The following SNAI3 variants were observed in gnomAD, a reference collection of about 807,000 sequenced individuals.
The protein encoded by SNAI3 is zinc finger protein SNAI3.
Under a neutral mutation model 16.4 loss-of-function variants are expected in SNAI3, and 21 were observed. That is an observed-to-expected ratio of 1.28 (90% confidence interval 0.91 to 1.85). The LOEUF (loss-of-function observed/expected upper bound fraction) is 1.85. Among genes scored for constraint, SNAI3 ranks in the 40% most tolerant of loss-of-function variants. SNAI3 has a pLI of 0.00. For synonymous variants in SNAI3, 202 were observed against 166.6 expected, an observed-to-expected ratio of 1.21 and a Z score of -1.64; for missense variants, 457 against 372.8, an observed-to-expected ratio of 1.23 and a Z score of -1.86.
At position 88,680,989 on chromosome 16, in the gene SNAI3, C is replaced by G. The variant is rs1372338718; in HGVS notation, c.697+105G>C. The G allele has an allele frequency of 1.1e-5, 16 of 1,448,256 alleles. No homozygotes were observed. The East Asian group carries it at 3.3e-4, about 30-fold the overall frequency. 89.7% of individuals were successfully genotyped at this position (1,448,256 alleles called of 1,614,324 possible). On this transcript the variant is annotated intron_variant, in intron 2 of 2. Coordinates refer to ENST00000332281, the MANE Select transcript of SNAI3 (RefSeq NM_178310.4). ...AAAAGGCAGAAGCTGAATGTGAATG[C>G]CCATGCTATTGTTTATAAAATCACC... is the stretch of plus-strand genomic sequence containing the variant.
chr16:88,686,259 A>AG, intron 1 of SNAI3, 72 bp downstream of exon 1: 1 of 1,529,780 alleles, frequency 6.5e-7, no homozygotes, highest in Non-Finnish European at 8.9e-7. Flanking sequence ...CCCCGCTCCC[A>AG]GGGGCCTCTC....
At chr16:88,682,762 ATTTTTTTTTTTT>A (rs71158747) in intron 1 of SNAI3, among the ~76,000 whole-genome samples, 11,728 of 61,388 alleles carry the variant, frequency 0.19, 1,104 homozygotes, top group Non-Finnish European at 0.26. Context: ...TGGGCAAGGG[ATTTTTTTTTTTT>A]TTTTTTTTTT....
At position 88,681,173 on chromosome 16, in the gene SNAI3, C is replaced by T. The variant is rs762087786; in HGVS notation, c.618G>A (p.Thr206=). ...GALKMHIRTH[T]LPCTCKICGK... is the part of the protein sequence containing the mutation. Reference sequence around the variant, plus strand: ...CACAGATCTTGCAGGTGCAGGGCAGCGTGTGAGTGCGGATGTGCATCTTGA... The same window carrying T: ...CACAGATCTTGCAGGTGCAGGGCAGTGTGTGAGTGCGGATGTGCATCTTGA... The change falls in exon 2 of 3, where the codon ACG becomes ACA. Residue 206 remains threonine, a synonymous_variant. Transcript: ENST00000332281. This position sits in a 1 kb window ranked among gnomAD's most constrained non-coding sequence, Gnocchi z 5.4. The T allele has an allele frequency of 4.3e-6, 7 of 1,613,664 alleles. No homozygotes were observed. In the South Asian group the frequency reaches 4.4e-5, roughly 10 times the overall value.
chr16:88,683,180 C>A (rs573697825), intron 1 of SNAI3, among the ~76,000 whole-genome samples: 1 of 150,868 alleles, frequency 6.6e-6, no homozygotes, highest in South Asian at 2.1e-4. Context: ...GCAACCTCCA[C>A]CTCCCAGGTC....
Position 88,681,210 on chromosome 16 carries a change from C to T in SNAI3, c.581G>A (p.Ser194Asn). 6.2e-6 allele frequency: 10 copies of T among 1,613,862 alleles called. No homozygotes were observed. The highest frequency in any genetic ancestry group is 8.5e-6 in the Non-Finnish European group (10 of 1,180,030). ...GATGTGCATCTTGAGGGCACCCAGGCTGGTGTACTCCTTGTCGCAGTACTT... is the reference window on the plus strand; with the variant it reads ...GATGTGCATCTTGAGGGCACCCAGGTTGGTGTACTCCTTGTCGCAGTACTT... ...TCKYCDKEYT[S>N]LGALKMHIRT... Residue 194 changes from serine to asparagine, a missense_variant, in exon 2 of 3, where the codon AGC becomes AAC. By Grantham distance (46) the Ser-to-Asn change is conservative. Coordinates refer to ENST00000332281, the MANE Select transcript of SNAI3 (RefSeq NM_178310.4). This position sits in a 1 kb window ranked among gnomAD's most constrained non-coding sequence, Gnocchi z 5.4.
chr16:88,678,291 T>C lies in SNAI3; in HGVS notation c.*157A>G, dbSNP rs1909039920. On this transcript the variant is annotated 3_prime_UTR_variant, in exon 3 of 3. Transcript: ENST00000332281. Reference sequence around the variant, plus strand: ...TGTCCTCCGGCCCAGTGGCCCCCGCTGGACTTCTTTGGTTCTGATTGGACG... The same window carrying C: ...TGTCCTCCGGCCCAGTGGCCCCCGCCGGACTTCTTTGGTTCTGATTGGACG... The C allele has an allele frequency of 1.7e-6, 1 of 579,658 alleles. No individual in the cohort carries two copies. The allele number at this position is 579,658 out of a possible 1,614,324, so 35.9% of individuals were successfully genotyped here.
chr16:88,681,781 C>T lies in SNAI3; in HGVS notation c.77-67G>A. On this transcript the variant is annotated intron_variant, in intron 1 of 2. Transcript: ENST00000332281. The surrounding 1 kb of genome is among the most constrained non-coding windows in gnomAD (Gnocchi z 5.4). ...ATCCCCAGCACTTTGTGTTTTCCAA[C>T]TCTGATTCGTGGACCCAGTCACAGC... 1.5e-6 allele frequency: 2 copies of T among 1,343,612 alleles called. No individual in the cohort carries two copies. Among genetic ancestry groups the T allele is most frequent in the Non-Finnish European group, 9.6e-7 (1 of 1,045,334 alleles). The allele number at this position is 1,343,612 out of a possible 1,614,324, so 83.2% of individuals were successfully genotyped here. A position where few individuals can be genotyped will look rare whatever the true frequency, so the allele number is the denominator to read the frequency against.
intron 1 of SNAI3, chr16:88,685,869 T>C: frequency 6.3e-6 from 1 of 159,256 alleles, no homozygotes. Flanking sequence ...CCATCCCCTG[T>C]GCTTACACCC....
intron 2 of SNAI3, 90 bp from the exon 3 acceptor site, chr16:88,678,719 C>T (rs1235115718): frequency 1.3e-6 from 2 of 1,482,702 alleles, no homozygotes. Flanking sequence ...TACTCCCATC[C>T]CTTCCCCACA....
Position 88,678,783 on chromosome 16 carries a change from G to A in SNAI3, c.698-154C>T, listed in dbSNP as rs1194478893. The A allele has an allele frequency of 8.1e-6, 8 of 985,316 alleles. No homozygotes were observed. The East Asian group carries it at 3.4e-4, about 42-fold the overall frequency. 61.0% of individuals were successfully genotyped at this position (985,316 alleles called of 1,614,324 possible). A position where few individuals can be genotyped will look rare whatever the true frequency, so the allele number is the denominator to read the frequency against. On this transcript the variant is annotated intron_variant, in intron 2 of 2. Transcript: ENST00000332281. ...GAGCTGTGTGGGGACGGGGTGGCAC[G>A]CCACATCACCTGAAGCCCCTCCCAG...
At position 88,678,184 on chromosome 16, in the gene SNAI3, A is replaced by G. The variant is rs1172414642; in HGVS notation, c.*264T>C. On this transcript the variant is annotated 3_prime_UTR_variant, in exon 3 of 3. Coordinates refer to ENST00000332281, the MANE Select transcript of SNAI3 (RefSeq NM_178310.4). ...GACCTGGCCGTGTCGAAATGGAACC[A>G]TGGCTCTTGTTCTGATGAAAGCCTT... The G allele has an allele frequency of 2.5e-6, 1 of 403,212 alleles. No homozygotes were observed. The highest frequency in any genetic ancestry group is 4.5e-6 in the Non-Finnish European group (1 of 224,104). The allele number at this position is 403,212 out of a possible 1,614,324, so 25.0% of individuals were successfully genotyped here. A position where few individuals can be genotyped will look rare whatever the true frequency, so the allele number is the denominator to read the frequency against.
At position 88,686,311 on chromosome 16, in the gene SNAI3, G is replaced by C; in HGVS notation, c.76+20C>G. 1.2e-6 allele frequency: 2 copies of C among 1,608,020 alleles called. No homozygotes were observed. The highest frequency in any genetic ancestry group is 1.7e-6 in the Non-Finnish European group (2 of 1,177,706). ...CAGGGTCGAGTCCCGGCAGGGGCTC[G>C]GGGATCGGGTAGTCAGTACCTCTCT... On this transcript the variant is annotated intron_variant, in intron 1 of 2. Coordinates refer to ENST00000332281, the MANE Select transcript of SNAI3 (RefSeq NM_178310.4).
At chr16:88,680,413 A>G (rs1909127029) in intron 2 of SNAI3, among the ~76,000 whole-genome samples, 1 of 146,542 alleles carries the variant, frequency 6.8e-6, no homozygotes, top group Non-Finnish European at 1.5e-5. Flanking sequence ...AGTCTCCTGA[A>G]TAGCTGGGAT....
At position 88,686,374 on chromosome 16, in the gene SNAI3, G is replaced by T. The variant is rs1284864204; in HGVS notation, c.33C>A (p.Ser11=). Residue 11 remains serine (S), a synonymous_variant, in exon 1 of 3, where the codon TCC becomes TCA. Transcript: ENST00000332281. Reference sequence around the variant, plus strand: ...GCCGGTAGTTGGGGACCCTGTGGCTGGAGTGCGTTTTCACCAGGAAGGAGC... The same window carrying T: ...GCCGGTAGTTGGGGACCCTGTGGCTTGAGTGCGTTTTCACCAGGAAGGAGC... The part of the protein sequence containing the change: MPRSFLVKTH[S]SHRVPNYRRL... 2 of 1,612,250 alleles carry T rather than the reference G, an allele frequency of 1.2e-6. No individual in the cohort carries two copies. The highest frequency in any genetic ancestry group is 1.3e-5 in the African/African-American group (1 of 75,044).
At chr16:88,682,835 C>T (rs561448429) in intron 1 of SNAI3, among the ~76,000 whole-genome samples, 1 of 121,552 alleles carries the variant, frequency 8.2e-6, no homozygotes, top group Non-Finnish European at 1.6e-5. Flanking sequence ...AGTGCAGTGG[C>T]GTGATCTCGG....
In SNAI3 at chr16:88,681,665, G is replaced by T. The variant is rs1909177957; in HGVS notation, c.126C>A (p.Leu42=). ...CAGAAGGGGCCTCCTTGTCTCGGGG[G>T]AGGAGGGGCACCACCAGCCCCCCAC... ...SACGGLVVPL[L]PRDKEAPSVP... The change falls in exon 2 of 3, where the codon CTC becomes CTA. Residue 42 remains leucine (L), a synonymous_variant. Transcript: ENST00000332281. The surrounding 1 kb of genome is among the most constrained non-coding windows in gnomAD (Gnocchi z 5.4). 6 of 1,478,388 alleles carry T rather than the reference G, an allele frequency of 4.1e-6. No individual in the cohort carries two copies. The East Asian group carries it at 1.4e-4, about 35-fold the overall frequency. 91.6% of individuals were successfully genotyped at this position (1,478,388 alleles called of 1,614,324 possible). A position where few individuals can be genotyped will look rare whatever the true frequency, so the allele number is the denominator to read the frequency against.
Position 88,681,653 on chromosome 16 carries a change from C to T in SNAI3, c.138G>A (p.Lys46=). 1 of 1,463,240 alleles carries T rather than the reference C, an allele frequency of 6.8e-7. No individual in the cohort carries two copies. The highest frequency in any genetic ancestry group is 9.1e-7 in the Non-Finnish European group (1 of 1,103,478). The allele number at this position is 1,463,240 out of a possible 1,614,324, so 90.6% of individuals were successfully genotyped here. Residue 46 remains lysine, a synonymous_variant, in exon 2 of 3, where the codon AAG becomes AAA. Transcript: ENST00000332281. The surrounding 1 kb of genome is among the most constrained non-coding windows in gnomAD (Gnocchi z 5.4). ...GGTCACCGGGCACAGAAGGGGCCTC[C>T]TTGTCTCGGGGGAGGAGGGGCACCA... The part of the protein sequence containing the change: ...GLVVPLLPRD[K]EAPSVPGDLP...
chr16:88,683,929 C>T (rs1909268557), intron 1 of SNAI3, among the ~76,000 whole-genome samples: 1 of 152,196 alleles, frequency 6.6e-6, no homozygotes, highest in African/African-American at 2.4e-5. Context: ...CAAAGATGCT[C>T]AATGCCATCA....
In SNAI3 at chr16:88,686,320, G is replaced by T. The variant is rs185985291; in HGVS notation, c.76+11C>A. The T allele has an allele frequency of 3.7e-6, 6 of 1,610,158 alleles. No homozygotes were observed. The Admixed American group carries it at 6.7e-5, about 18-fold the overall frequency. On this transcript the variant is annotated intron_variant, in intron 1 of 2. Coordinates refer to ENST00000332281, the MANE Select transcript of SNAI3 (RefSeq NM_178310.4). Reference sequence around the variant, plus strand: ...GTCCCGGCAGGGGCTCGGGGATCGGGTAGTCAGTACCTCTCTGCGTCTCCA... The same window carrying T: ...GTCCCGGCAGGGGCTCGGGGATCGGTTAGTCAGTACCTCTCTGCGTCTCCA...
Sources: allele counts gnomAD v4.1 joint callset (sites outside exome capture counted in the v4.1 genomes callset), GRCh38; gene constraint gnomAD v4.1.1; non-coding constraint Gnocchi (gnomAD v3.1); transcripts MANE v1.5; gene names NCBI Gene and HGNC (gene_info 2026-07-23, HGNC 2026-07-21).